The following ZNF268 variants were observed in gnomAD, a reference collection of about 807,000 sequenced individuals.
The protein encoded by ZNF268 is zinc finger protein 268.
In ZNF268, 20 loss-of-function variants were observed where a neutral mutation model predicts 29.3. That is an observed-to-expected ratio of 0.68 (90% CI 0.48 to 0.99). The LOEUF is 0.99. Ranked by LOEUF, ZNF268 falls within the 50% of genes least tolerant of loss-of-function variation. The probability of loss-of-function intolerance (pLI) is 0.00; values close to 1 mark genes in which losing one functional copy is unlikely to be tolerated. For missense variants in ZNF268, 1,240 were observed against 1,121.6 expected, an observed-to-expected ratio of 1.11 and a Z score of -1.51; for synonymous variants, 429 against 376.9, an observed-to-expected ratio of 1.14 and a Z score of -1.60.
At chr12:133,187,665 A>G (rs1366850570) in intron 2 of ZNF268, among the ~76,000 whole-genome samples, 2 of 152,120 alleles carry the variant, frequency 1.3e-5, no homozygotes, top group East Asian at 3.9e-4. Flanking sequence ...TATTTTTATC[A>G]TGAAGGGCTC....
chr12:133,199,994 AT>A (rs1423215855), intron 5 of ZNF268, among the ~76,000 whole-genome samples: 6 of 151,948 alleles, frequency 3.9e-5, no homozygotes, highest in East Asian at 1.9e-4. Context: ...GGATTCATTA[AT>A]TTTTTTGAAG....
rs1172023527 is a variant in ZNF268 at position 133,212,491 on chromosome 12, ATATATATG to A, written c.*7969_*7976del. The A allele has an allele frequency of 0.011, 236 of 21,318 alleles. 7 individuals are homozygous for A. The highest frequency in any genetic ancestry group is 0.066 in the African/African-American group (188 of 2,828). The allele number at this position is 21,318 out of a possible 1,614,324, so 1.3% of individuals were successfully genotyped here. A position where few individuals can be genotyped will look rare whatever the true frequency, so the allele number is the denominator to read the frequency against. ...TATATATATATATATATATATATATATATATATGTATATATACACACACACATACACAC... is the reference window on the plus strand; with the variant it reads ...TATATATATATATATATATATATATATATATATACACACACACATACACAC... On this transcript the variant is annotated 3_prime_UTR_variant, in exon 6 of 6. Coordinates refer to ENST00000536435, the MANE Select transcript of ZNF268 (RefSeq NM_003415.3).
intron 5 of ZNF268, among the ~76,000 whole-genome samples, chr12:133,200,268 CCTT>C (rs1320628415): frequency 2.6e-4 from 39 of 152,288 alleles, no homozygotes; most frequent in Middle Eastern, 3.4e-3. Flanking sequence ...TTTATTTCTG[CCTT>C]CATTTCGTTA....
intron 2 of ZNF268, among the ~76,000 whole-genome samples, chr12:133,184,332 C>G (rs1238859722): frequency 1.3e-5 from 2 of 152,094 alleles, no homozygotes; most frequent in Non-Finnish European, 2.9e-5. Flanking sequence ...ACCTCGATCT[C>G]CTGACCTCAT....
chr12:133,197,688 C>T (rs1215457978), intron 5 of ZNF268, among the ~76,000 whole-genome samples: 3 of 152,220 alleles, frequency 2.0e-5, no homozygotes, highest in African/African-American at 7.2e-5. Context: ...TCCACGTCCT[C>T]TCCAGCACCT....
At chr12:133,182,893 T>C (rs917598477) in intron 2 of ZNF268, among the ~76,000 whole-genome samples, 1 of 152,144 alleles carries the variant, frequency 6.6e-6, no homozygotes, top group Non-Finnish European at 1.5e-5. Flanking sequence ...TTGTATCACA[T>C]AGGGCAGGTG....
chr12:133,211,018 G>A lies in ZNF268; in HGVS notation c.*6488G>A, dbSNP rs776201219. On this transcript the variant is annotated 3_prime_UTR_variant, in exon 6 of 6. Coordinates refer to ENST00000536435, the MANE Select transcript of ZNF268 (RefSeq NM_003415.3). ...TTTCCATGCCATAATTTTGGAAAAC[G>A]AAACTGAAATAGAGTCCATCATTCC... 1.3e-5 allele frequency: 6 copies of A among 455,836 alleles called. No homozygotes were observed. The highest frequency in any genetic ancestry group is 3.2e-4 in the Middle Eastern group (1 of 3,090). 28.2% of individuals were successfully genotyped at this position (455,836 alleles called of 1,614,324 possible).
rs1028352933 is a variant in ZNF268, at chr12:133,198,696, C to T, written c.458-3448C>T. The stretch of plus-strand genomic sequence containing the variant: ...GGAATGTTCTTCCATTTGTTTGTAT[C>T]TTCTTTTATTTCATTGAGCAGTGGT... On this transcript the variant is annotated intron_variant, in intron 5 of 5. Transcript: ENST00000536435. 6.6e-3 allele frequency among the ~76,000 whole-genome samples: 995 copies of T among 150,918 alleles called. 9 individuals carry two copies. The highest frequency in any genetic ancestry group is 0.022 in the African/African-American group (922 of 40,984).
chr12:133,202,279 A>G lies in ZNF268; in HGVS notation c.593A>G (p.Gln198Arg), dbSNP rs774816435. ...CTTAGTACAAAGTATCTTTCAAGAC[A>G]AAAACCTCATAAATGTGGCACGCAT... ...CLLSTKYLSRQKPHKCGTHGK... is the reference protein window; with the variant it reads ...CLLSTKYLSRRKPHKCGTHGK... The change falls in exon 6 of 6, where the codon CAA becomes CGA. Residue 198 changes from glutamine (Q) to arginine (R), a missense_variant. This residue lies in a region of ZNF268 where 1,177 missense variants were observed against 1,039.6 expected (regional missense o/e 1.13). Transcript: ENST00000536435. The G allele has an allele frequency of 1.7e-5, 28 of 1,612,606 alleles. No homozygotes were observed. In the Admixed American group the frequency reaches 2.5e-4, roughly 14 times the overall value.
chr12:133,204,296 A>G lies in ZNF268; in HGVS notation c.2610A>G (p.Gly870=), dbSNP rs1956844068. ...AACCATATGAATGCAGTGAGTGTGG[A>G]AAAGCCTTCATTAGGAATTCTCAAC... ...REKPYECSEC[G]KAFIRNSQLI... Residue 870 remains glycine (G), a synonymous_variant, in exon 6 of 6, where the codon GGA becomes GGG. Transcript: ENST00000536435. 3 of 1,556,342 alleles carry G rather than the reference A, an allele frequency of 1.9e-6. No individual in the cohort carries two copies. The South Asian group carries it at 3.5e-5, about 18-fold the overall frequency.
Position 133,210,695 on chromosome 12 carries a change from T to A in ZNF268, c.*6165T>A. On this transcript the variant is annotated 3_prime_UTR_variant, in exon 6 of 6. Coordinates refer to ENST00000536435, the MANE Select transcript of ZNF268 (RefSeq NM_003415.3). ...GCAAGGTCTGTTTGTCACTGTGGAT[T>A]CCCCCCTGCCAAGGGTCCCCAGGTC... is the stretch of plus-strand genomic sequence containing the variant. 1 of 375,110 alleles carries A rather than the reference T, an allele frequency of 2.7e-6. No individual in the cohort carries two copies. Among genetic ancestry groups the A allele is most frequent in the East Asian group, 7.5e-5 (1 of 13,356 alleles). 23.2% of individuals were successfully genotyped at this position (375,110 alleles called of 1,614,324 possible).
Position 133,204,115 on chromosome 12 carries a change from G to A in ZNF268, c.2429G>A (p.Cys810Tyr). 1 of 1,545,434 alleles carries A rather than the reference G, an allele frequency of 6.5e-7. No homozygotes were observed. Among genetic ancestry groups the A allele is most frequent in the East Asian group, 2.4e-5 (1 of 40,982 alleles). ...CATTCAGGTGAAAAACCATATGAAT[G>A]TAATGAATGTGGGAAAGCCTTCATT... ...RTHSGEKPYE[C>Y]NECGKAFIWK... The change falls in exon 6 of 6, where the codon TGT becomes TAT. Residue 810 changes from cysteine to tyrosine, a missense_variant. Physicochemically the swap from Cys to Tyr is radical, Grantham distance 194. Transcript: ENST00000536435.
intron 2 of ZNF268, among the ~76,000 whole-genome samples, chr12:133,185,422 T>TGAGA (rs1956286677): frequency 6.7e-6 from 1 of 149,636 alleles, no homozygotes; most frequent in Admixed American, 6.7e-5. Flanking sequence ...GGGTAGGGAG[T>TGAGA]GAGAGAGAGG....
chr12:133,188,005 G>A lies in ZNF268; in HGVS notation c.167G>A (p.Arg56His), dbSNP rs189573508. The change falls in exon 3 of 6, where the codon CGC (arginine) becomes CAC (histidine). Residue 56 changes from arginine (R) to histidine (H), a missense_variant. Arg to His is a conservative substitution (Grantham distance 29, BLOSUM62 0). This residue lies in a region of ZNF268 where 12 missense variants were observed against 30.6 expected (regional missense o/e 0.39). Transcript: ENST00000536435. ...PGTPRQKQKSRRIEKVLEWLF... is the reference protein window; with the variant it reads ...PGTPRQKQKSHRIEKVLEWLF... ...ACACCCAGGCAGAAGCAGAAGAGTC[G>A]CAGAATAGAGAAAGTCCTAGAGTGG... 2.4e-5 allele frequency: 39 copies of A among 1,596,326 alleles called. No homozygotes were observed. In the East Asian group the frequency reaches 4.9e-4, roughly 20 times the overall value.
In ZNF268 at chr12:133,203,926, C is replaced by G; in HGVS notation, c.2240C>G (p.Thr747Arg). 1 of 1,591,564 alleles carries G rather than the reference C, an allele frequency of 6.3e-7. No individual in the cohort carries two copies. The highest frequency in any genetic ancestry group is 1.1e-5 in the South Asian group (1 of 88,934). Reference protein sequence around the residue: ...SQLIVHQRIHTGENPYECSEC... With the variant: ...SQLIVHQRIHRGENPYECSEC... ...CTCATTGTGCATCAGAGAATTCACA[C>G]AGGAGAAAATCCCTATGAATGCAGT... Residue 747 changes from threonine (T) to arginine (R), a missense_variant, in exon 6 of 6, where the codon ACA becomes AGA. Thr to Arg is a moderately conservative substitution (Grantham distance 71, BLOSUM62 -1). Coordinates refer to ENST00000536435, the MANE Select transcript of ZNF268 (RefSeq NM_003415.3).
chr12:133,186,497 C>G (rs758403511), intron 2 of ZNF268, among the ~76,000 whole-genome samples: 16 of 151,838 alleles, frequency 1.1e-4, no homozygotes, highest in Non-Finnish European at 2.1e-4. Flanking sequence ...CCTCAGCCTC[C>G]CAAGTAGCTG....
In ZNF268 at chr12:133,203,210, C is replaced by T. The variant is rs188300576; in HGVS notation, c.1524C>T (p.Ala508=). The T allele has an allele frequency of 2.7e-5, 42 of 1,537,924 alleles. No homozygotes were observed. The highest frequency in any genetic ancestry group is 1.4e-4 in the Admixed American group (7 of 50,974). ...ATGTATGCAATGAATGTGGCAAAGC[C>T]TTCAGGAGCAAGTCATACCTTATTA... The part of the protein sequence containing the change: ...KPYVCNECGK[A]FRSKSYLIIH... The change falls in exon 6 of 6, where the codon GCC becomes GCT. Residue 508 remains alanine (A), a synonymous_variant. Coordinates refer to ENST00000536435, the MANE Select transcript of ZNF268 (RefSeq NM_003415.3).
intron 3 of ZNF268, 34 bp downstream of exon 3, chr12:133,188,106 C>T (rs985901094): frequency 8.4e-6 from 12 of 1,431,316 alleles, no homozygotes; most frequent in Admixed American, 2.5e-5. Context: ...CTAGTGTTTT[C>T]TTTATTACCT....
intron 5 of ZNF268, among the ~76,000 whole-genome samples, chr12:133,195,992 G>GAACC (rs979758468): frequency 7.0e-6 from 1 of 142,836 alleles, no homozygotes; most frequent in African/African-American, 2.6e-5. Flanking sequence ...TTACAGGCAT[G>GAACC]AACCACTATG....
Sources: allele counts gnomAD v4.1 joint callset (sites outside exome capture counted in the v4.1 genomes callset), GRCh38; gene constraint gnomAD v4.1.1; regional missense constraint gnomAD v4.1.1; transcripts MANE v1.5; gene names NCBI Gene and HGNC (gene_info 2026-07-23, HGNC 2026-07-21).